The following PREX1 variants were observed in gnomAD, a reference collection of about 807,000 sequenced individuals.
The protein encoded by PREX1 is phosphatidylinositol-3,4,5-trisphosphate dependent Rac exchange factor 1, also known as phosphatidylinositol 3,4,5-trisphosphate-dependent Rac exchanger 1 protein.
A neutral mutation model predicts 198.3 loss-of-function variants in PREX1; 41 were observed. That is an observed-to-expected ratio of 0.21 (90% confidence interval 0.16 to 0.27). The LOEUF is 0.27. Ranked by LOEUF, PREX1 falls within the 10% of genes least tolerant of loss-of-function variation. The pLI, the probability that PREX1 is intolerant of heterozygous loss-of-function variation, is 1.00. For missense variants in PREX1, 1,620 were observed against 2,200.7 expected (o/e 0.74, Z 5.28); for synonymous variants, 843 against 887.2 (o/e 0.95, Z 0.89).
chr20:48,662,965 A>C (rs1187501181), intron 15 of PREX1, among the ~76,000 whole-genome samples: 2 of 152,130 alleles, frequency 1.3e-5, no homozygotes, highest in Non-Finnish European at 2.9e-5. Flanking sequence ...TGCCCAGCTG[A>C]CTGGCGGGAG....
At chr20:48,730,802 C>T (rs972631840) in intron 4 of PREX1, among the ~76,000 whole-genome samples, 3 of 151,860 alleles carry the variant, frequency 2.0e-5, no homozygotes, top group Non-Finnish European at 4.4e-5. Context: ...CAACACCAGC[C>T]TGGGTAACAT....
intron 1 of PREX1, among the ~76,000 whole-genome samples, chr20:48,811,635 C>T (rs2090436502): frequency 7.7e-6 from 1 of 129,826 alleles, no homozygotes; most frequent in Non-Finnish European, 1.7e-5. Flanking sequence ...CCCCCACACA[C>T]ACACACACGT....
chr20:48,761,196 C>T (rs192667177), intron 1 of PREX1, among the ~76,000 whole-genome samples: 1 of 152,328 alleles, frequency 6.6e-6, no homozygotes, highest in Non-Finnish European at 1.5e-5. Flanking sequence ...GCAAAGGCCC[C>T]GAGGCACATT....
At chr20:48,708,600 G>C (rs1352949998) in intron 5 of PREX1, among the ~76,000 whole-genome samples, 179 bp from the exon 6 acceptor site, 1 of 152,208 alleles carries the variant, frequency 6.6e-6, no homozygotes, top group East Asian at 1.9e-4. Context: ...ATGTCAAGCA[G>C]TGGTAAACAC....
At chr20:48,716,720 C>G (rs1475498289) in intron 5 of PREX1, among the ~76,000 whole-genome samples, 2 of 152,236 alleles carry the variant, frequency 1.3e-5, no homozygotes, top group Admixed American at 1.3e-4. Context: ...CCCAGCCACA[C>G]AGGGAGAGTG....
At chr20:48,683,175 T>TAAACA (rs1703597742) in intron 10 of PREX1, among the ~76,000 whole-genome samples, 1 of 152,176 alleles carries the variant, frequency 6.6e-6, no homozygotes, top group African/African-American at 2.4e-5. Flanking sequence ...AACAGATGTT[T>TAAACA]GAGTGCCCAC....
chr20:48,705,927 C>G (rs531285118), intron 6 of PREX1, among the ~76,000 whole-genome samples: 131 of 152,322 alleles, frequency 8.6e-4, no homozygotes, highest in African/African-American at 3.0e-3. Context: ...CGAGACAGGG[C>G]AGTCTATAAG....
At chr20:48,644,557 C>G in intron 26 of PREX1, 60 bp from the exon 27 acceptor site, 1 of 1,462,798 alleles carries the variant, frequency 6.8e-7, no homozygotes, top group Non-Finnish European at 9.5e-7. Context: ...CTGGTCCTGG[C>G]ACCCAAAACC....
intron 1 of PREX1, among the ~76,000 whole-genome samples, chr20:48,778,013 G>A (rs1294632209): frequency 6.6e-6 from 1 of 152,158 alleles, no homozygotes; most frequent in Non-Finnish European, 1.5e-5. Context: ...AAAAGGGAAG[G>A]GTGGGGACTG....
chr20:48,683,923 G>C (rs1325152039), intron 10 of PREX1, among the ~76,000 whole-genome samples: 1 of 152,124 alleles, frequency 6.6e-6, no homozygotes, highest in Non-Finnish European at 1.5e-5. Flanking sequence ...GAGAGGTAAG[G>C]TCAGGAAACC....
rs537600376 is a variant in PREX1, at chr20:48,810,390, C to G, written c.219+17252G>C. Among the ~76,000 whole-genome samples, 7 of 151,942 alleles carry G rather than the reference C, an allele frequency of 4.6e-5. No individual in the cohort carries two copies. In the South Asian group the frequency reaches 1.0e-3, roughly 23 times the overall value. On this transcript the variant is annotated intron_variant, in intron 1 of 39. Coordinates refer to ENST00000371941, the MANE Select transcript of PREX1 (RefSeq NM_020820.4). ...TTAAGTCCAGGAGTTCAAGACCAGC[C>G]TGGGCAACATAGTGAGACCCTTATC...
chr20:48,828,640 G>T (rs1243124465), upstream of PREX1, among the ~76,000 whole-genome samples: 2 of 152,222 alleles, frequency 1.3e-5, no homozygotes, highest in East Asian at 3.9e-4. Context: ...CGTGGCGCGC[G>T]CTCGCTCTCA....
rs557202329 is a variant in PREX1, at chr20:48,658,243, C to A, written c.1882-15G>T. The A allele has an allele frequency of 5.6e-6, 9 of 1,613,108 alleles. No homozygotes were observed. Among genetic ancestry groups the A allele is most frequent in the African/African-American group, 4.0e-5 (3 of 75,050 alleles). ...TGGGGCAGGATCTGGGGGCCCAGGG[C>A]AGAAGGAACCCGGTCAGGGAGCGAG... On this transcript the variant is annotated splice_polypyrimidine_tract_variant and intron_variant, in intron 16 of 39. Transcript: ENST00000371941.
chr20:48,634,118 G>A (rs73140161), intron 33 of PREX1, among the ~76,000 whole-genome samples: 10,149 of 149,388 alleles, frequency 0.068, 431 homozygotes, highest in South Asian at 0.12. Context: ...ATGCCTGGAT[G>A]GATGGATGCA....
At chr20:48,646,613 T>C (rs893750189) in intron 25 of PREX1, among the ~76,000 whole-genome samples, 10 of 143,590 alleles carry the variant, frequency 7.0e-5, no homozygotes, top group Non-Finnish European at 7.5e-5. Flanking sequence ...CGCTTGAACC[T>C]GGGAGGCGGA....
chr20:48,822,150 T>C (rs1285166169), intron 1 of PREX1: 9 of 152,380 alleles, frequency 5.9e-5, no homozygotes, highest in Non-Finnish European at 1.5e-5. Context: ...GTTTTTACCA[T>C]CAAAAGATTT....
the PREX1 span, among the ~76,000 whole-genome samples, chr20:48,844,147 A>AG: frequency 7.2e-5 from 11 of 151,912 alleles, no homozygotes; most frequent in Non-Finnish European, 1.6e-4. Flanking sequence ...CTCAAAAAAA[A>AG]ATCTAGTAGC....
At position 48,650,024 on chromosome 20, in the gene PREX1, G is replaced by A; in HGVS notation, c.3000C>T (p.Pro1000=). The A allele has an allele frequency of 6.2e-7, 1 of 1,614,214 alleles. No homozygotes were observed. Among genetic ancestry groups the A allele is most frequent in the African/African-American group, 1.3e-5 (1 of 75,070 alleles). ...RSFSIRFGRK[P]SLIGLDPEQG... ...GCTCCGGGTCAAGGCCGATGAGGGA[G>A]GGTTTGCGTCCAAAGCGGATGCTGA... Residue 1000 remains proline (P), a synonymous_variant, in exon 24 of 40, where the codon CCC becomes CCT. Coordinates refer to ENST00000371941, the MANE Select transcript of PREX1 (RefSeq NM_020820.4).
chr20:48,700,679 G>C lies in PREX1; in HGVS notation c.917+74C>G, dbSNP rs2123067645. ...TCACAGGAAAGGGAGGCCCAGAGAG[G>C]GAAGTGACAAGCCCAAGGCATCACC... On this transcript the variant is annotated intron_variant, in intron 7 of 39. Transcript: ENST00000371941. The C allele has an allele frequency of 1.9e-6, 3 of 1,560,834 alleles. No homozygotes were observed. The East Asian group carries it at 6.7e-5, about 35-fold the overall frequency.
Sources: gnomAD v4.1 joint callset for allele counts (sites outside exome capture counted in the v4.1 genomes callset) on GRCh38, gnomAD v4.1.1 for gene constraint, MANE v1.5 for transcripts, NCBI Gene and HGNC (gene_info 2026-07-23, HGNC 2026-07-21) for gene names.